SPAG16: variants seen among roughly 807,000 people sequenced by gnomAD.
SPAG16 encodes the protein sperm associated antigen 16, also known as sperm-associated antigen 16 protein.
In SPAG16, 86 loss-of-function variants were observed where a neutral mutation model predicts 80.4. That is an observed-to-expected ratio of 1.07 (90% confidence interval 0.90 to 1.28). The LOEUF (loss-of-function observed/expected upper bound fraction) is 1.28. SPAG16 is among the 50% of genes most tolerant of loss of function. The pLI is 0.00. For synonymous variants in SPAG16, 294 were observed against 265.9 expected, an observed-to-expected ratio of 1.11 and a Z score of -1.03; for missense variants, 870 against 765.3, an observed-to-expected ratio of 1.14 and a Z score of -1.61.
At chr2:213,970,620 T>C (rs2044991612) in intron 12 of SPAG16, among the ~76,000 whole-genome samples, 1 of 152,208 alleles carries the variant, frequency 6.6e-6, no homozygotes, top group Admixed American at 6.5e-5. Context: ...TAAAAGTTTA[T>C]AACAGCACAC....
intron 15 of SPAG16, among the ~76,000 whole-genome samples, chr2:214,308,770 G>A (rs1397427632): frequency 6.6e-6 from 1 of 152,022 alleles, no homozygotes; most frequent in East Asian, 1.9e-4. Context: ...TTAGTCAGGG[G>A]CTTCTCTTTG....
At chr2:213,444,810 G>A (rs1235658472) in intron 9 of SPAG16, among the ~76,000 whole-genome samples, 1 of 152,100 alleles carries the variant, frequency 6.6e-6, no homozygotes, top group Non-Finnish European at 1.5e-5. Flanking sequence ...GAACAAAGCT[G>A]TAGTCATCAT....
At chr2:213,392,690 C>G (rs938797046) in intron 9 of SPAG16, among the ~76,000 whole-genome samples, 5 of 151,956 alleles carry the variant, frequency 3.3e-5, no homozygotes, top group Non-Finnish European at 5.9e-5. Context: ...ACTAAAAATA[C>G]AAAAACATTA....
chr2:213,572,814 A>T (rs2059965417), intron 10 of SPAG16, among the ~76,000 whole-genome samples: 1 of 152,076 alleles, frequency 6.6e-6, no homozygotes, highest in Non-Finnish European at 1.5e-5. Context: ...AGCCTGGGCA[A>T]TGGCGGGCGC....
intron 11 of SPAG16, among the ~76,000 whole-genome samples, chr2:213,923,437 C>T (rs1360784595): frequency 6.6e-6 from 1 of 152,064 alleles, no homozygotes; most frequent in Non-Finnish European, 1.5e-5. Flanking sequence ...GGCCAGAAGC[C>T]CCAGCAAGTG....
Position 214,098,075 on chromosome 2 carries a change from C to A in SPAG16, c.1528-10121C>A, listed in dbSNP as rs565446171. On this transcript the variant is annotated intron_variant, in intron 13 of 15. Coordinates refer to ENST00000331683, the MANE Select transcript of SPAG16 (RefSeq NM_024532.5). ...ATTACATTATATGCTTGTATGATAT[C>A]CAAGTCTGTTTAGATATGTATTCAA... 1.3e-5 allele frequency among the ~76,000 whole-genome samples: 2 copies of A among 152,120 alleles called. 1 individual carries two copies. The highest frequency in any genetic ancestry group is 4.2e-4 in the South Asian group (2 of 4,812).
intron 10 of SPAG16, among the ~76,000 whole-genome samples, chr2:213,710,147 G>A (rs551610262): frequency 6.6e-6 from 1 of 152,208 alleles, no homozygotes; most frequent in South Asian, 2.1e-4. Flanking sequence ...AGCTGGGGGT[G>A]GTGGCACATG....
At chr2:213,350,691 T>C (rs1296481737) in intron 7 of SPAG16, 46 bp downstream of exon 7, 3 of 1,094,360 alleles carry the variant, frequency 2.7e-6, no homozygotes, top group African/African-American at 1.6e-5. Context: ...TTTAATCATT[T>C]TTTTAATAAT....
chr2:214,095,991 A>G (rs959029561), intron 13 of SPAG16, among the ~76,000 whole-genome samples: 7 of 151,970 alleles, frequency 4.6e-5, no homozygotes, highest in African/African-American at 1.7e-4. Flanking sequence ...ATGTAAAACA[A>G]TTTTCTGAAT....
At chr2:214,154,271 T>C (rs539593928) in intron 15 of SPAG16, among the ~76,000 whole-genome samples, 1 of 152,298 alleles carries the variant, frequency 6.6e-6, no homozygotes, top group South Asian at 2.1e-4. Context: ...CTCTCCTTTG[T>C]AAAACTAATT....
chr2:214,014,854 T>C (rs1007236542), intron 13 of SPAG16, among the ~76,000 whole-genome samples: 34 of 152,116 alleles, frequency 2.2e-4, no homozygotes, highest in Non-Finnish European at 4.4e-5. Flanking sequence ...GTTCATAAAT[T>C]TGGAAAATAA....
intron 10 of SPAG16, among the ~76,000 whole-genome samples, chr2:213,548,759 A>G (rs2076695380): frequency 6.6e-6 from 1 of 152,068 alleles, no homozygotes; most frequent in African/African-American, 2.4e-5. Flanking sequence ...TGTATGGTAT[A>G]AACTTTAAAT....
In SPAG16 at chr2:213,871,219, A is replaced by AATAG. The variant is rs770518155; in HGVS notation, c.1214+8593_1214+8596dup. Among the ~76,000 whole-genome samples, 274 of 152,266 alleles carry AATAG rather than the reference A, an allele frequency of 1.8e-3. 2 individuals carry two copies. The highest frequency in any genetic ancestry group is 3.1e-3 in the Admixed American group (47 of 15,288). On this transcript the variant is annotated intron_variant, in intron 11 of 15. Transcript: ENST00000331683. ...GAATAAATTTCAGTCAAAACCCAATAATAGAAGCACTTCCAGAATGGCAGA... is the reference window on the plus strand; with the variant it reads ...GAATAAATTTCAGTCAAAACCCAATAATAGATAGAAGCACTTCCAGAATGGCAGA...
chr2:213,941,070 TA>T (rs1392195415), intron 12 of SPAG16, among the ~76,000 whole-genome samples: 2 of 152,182 alleles, frequency 1.3e-5, no homozygotes, highest in African/African-American at 4.8e-5. Flanking sequence ...TTAACAGCCT[TA>T]TTTATGTGGG....
At position 213,604,703 on chromosome 2, in the gene SPAG16, C is replaced by T. The variant is rs182149849; in HGVS notation, c.1070+114613C>T. Among the ~76,000 whole-genome samples the T allele has an allele frequency of 2.0e-5, 3 of 152,010 alleles. No individual in the cohort carries two copies. In the East Asian group the frequency reaches 5.8e-4, roughly 29 times the overall value. ...TTTTTTTCTCTTTTACCTTTCCCTT[C>T]TACAGTTCTATTTCTACACAATAGA... On this transcript the variant is annotated intron_variant, in intron 10 of 15. Coordinates refer to ENST00000331683, the MANE Select transcript of SPAG16 (RefSeq NM_024532.5).
intron 10 of SPAG16, among the ~76,000 whole-genome samples, chr2:213,817,484 A>G (rs2072626124): frequency 6.6e-6 from 1 of 151,946 alleles, no homozygotes. Context: ...TACTGGGTAT[A>G]TGCCCAAAGG....
At chr2:214,013,473 AGTCT>A (rs2047420727) in intron 12 of SPAG16, among the ~76,000 whole-genome samples, 3 of 152,136 alleles carry the variant, frequency 2.0e-5, no homozygotes, top group African/African-American at 7.2e-5. Context: ...CCCACTGACC[AGTCT>A]CTCCCTATTC....
chr2:213,705,012 G>T (rs1317898462), intron 10 of SPAG16, among the ~76,000 whole-genome samples: 1 of 152,196 alleles, frequency 6.6e-6, no homozygotes, highest in African/African-American at 2.4e-5. Context: ...CAGCACTTTG[G>T]GAGGCGGAGG....
chr2:214,291,926 A>G (rs1230314705), intron 15 of SPAG16, among the ~76,000 whole-genome samples: 1 of 152,176 alleles, frequency 6.6e-6, no homozygotes. Flanking sequence ...TCCCTTAAGC[A>G]TTTCTTGTAG....
Sources: allele counts gnomAD v4.1 joint callset (sites outside exome capture counted in the v4.1 genomes callset), GRCh38; gene constraint gnomAD v4.1.1; transcripts MANE v1.5; gene names NCBI Gene and HGNC (gene_info 2026-07-23, HGNC 2026-07-21).